Variants in DLG5 observed in about 807,000 individuals in gnomAD.
DLG5 encodes discs large MAGUK scaffold protein 5.
A neutral mutation model predicts 189.8 loss-of-function variants in DLG5; 48 were observed. The ratio of observed to expected loss-of-function variants is 0.25; its 90% CI spans 0.20 to 0.32. The LOEUF is 0.32. DLG5 is among the 10% of genes least tolerant of loss of function. The pLI is 1.00. For missense variants in DLG5, 2,160 were observed against 2,544.7 expected (o/e 0.85, Z 3.25); for synonymous variants, 1,016 against 1,054.1 (o/e 0.96, Z 0.70).
Position 77,898,747 on chromosome 10 carries a change from C to T in DLG5, c.304+27470G>A, listed in dbSNP as rs377201105. 7.9e-5 allele frequency among the ~76,000 whole-genome samples: 12 copies of T among 152,320 alleles called. No homozygotes were observed. In the East Asian group the frequency reaches 1.9e-3, roughly 25 times the overall value. On this transcript the variant is annotated intron_variant, in intron 1 of 31. Coordinates refer to ENST00000372391, the MANE Select transcript of DLG5 (RefSeq NM_004747.4). ...CCTCCATGGCCTGGCTCCTGACAGG[C>T]CTGTGCATGCCTGAGAGGGCCAGGC...
chr10:77,792,874 A>T (rs1232567860), intron 31 of DLG5: 2 of 327,882 alleles, frequency 6.1e-6, no homozygotes, highest in African/African-American at 2.1e-5. Context: ...ATTCTGCAGG[A>T]AACGACAAGT....
chr10:77,937,874 ATT>A, the DLG5 span, among the ~76,000 whole-genome samples: 5 of 104,120 alleles, frequency 4.8e-5, no homozygotes, highest in East Asian at 5.7e-4. Flanking sequence ...CACTCAGCTA[ATT>A]TTTTTTTTTT....
chr10:77,893,684 A>C (rs575022752), intron 1 of DLG5, among the ~76,000 whole-genome samples: 3 of 152,364 alleles, frequency 2.0e-5, no homozygotes, highest in East Asian at 1.9e-4. Flanking sequence ...GCAGAATGAC[A>C]TAAGTCCAAA....
Position 77,819,384 on chromosome 10 carries a change from C to T in DLG5, c.3608G>A (p.Arg1203Lys). Reference sequence around the variant, plus strand: ...AGGTGGAGAGCTGCAGGGGCCGACCCTGTGACTGCGCACAGTGTAGATGGG... The same window carrying T: ...AGGTGGAGAGCTGCAGGGGCCGACCTTGTGACTGCGCACAGTGTAGATGGG... ...RNPIYTVRSH[R>K]VGPCSSPPAA... is the part of the protein sequence containing the mutation. The change falls in exon 17 of 32, where the codon AGG becomes AAG. Residue 1203 changes from arginine (R) to lysine (K), a missense_variant. Transcript: ENST00000372391. 1 of 1,614,082 alleles carries T rather than the reference C, an allele frequency of 6.2e-7. No individual in the cohort carries two copies. The highest frequency in any genetic ancestry group is 8.5e-7 in the Non-Finnish European group (1 of 1,180,020).
chr10:77,894,293 T>C (rs1845695058), intron 1 of DLG5, among the ~76,000 whole-genome samples: 1 of 152,166 alleles, frequency 6.6e-6, no homozygotes, highest in Non-Finnish European at 1.5e-5. Context: ...TTAACCACTC[T>C]GTGCCTCTGT....
Position 77,868,977 on chromosome 10 carries a change from T to C in DLG5, c.373+152A>G, listed in dbSNP as rs73301381. On this transcript the variant is annotated intron_variant, in intron 2 of 31. Coordinates refer to ENST00000372391, the MANE Select transcript of DLG5 (RefSeq NM_004747.4). ...AACATCAGAACTGGGTTTCTGATGA[T>C]GGGAGAAAATGTAAATGAAATCAAC... is the stretch of plus-strand genomic sequence containing the variant. The C allele has an allele frequency of 1.2e-3, 777 of 665,032 alleles. 5 individuals carry two copies. The highest frequency in any genetic ancestry group is 8.4e-3 in the African/African-American group (454 of 54,252). 41.2% of individuals were successfully genotyped at this position (665,032 alleles called of 1,614,324 possible).
intron 5 of DLG5, among the ~76,000 whole-genome samples, chr10:77,850,204 C>T (rs1342970934): frequency 6.6e-6 from 1 of 152,208 alleles, no homozygotes; most frequent in African/African-American, 2.4e-5. Context: ...CATCAGCAGT[C>T]ACTTCCCAAA....
chr10:77,842,100 C>T lies in DLG5; in HGVS notation c.1218G>A (p.Glu406=). Residue 406 remains glutamate (E), a synonymous_variant, in exon 7 of 32, where the codon GAG becomes GAA. Transcript: ENST00000372391. ...EMELLQSELT[E]LRTTQVKTAK... ...CTGTCTTCACCTGCGTGGTTCTCAG[C>T]TCGGTCAGCTCTGACTGCAGCAGCT... The T allele has an allele frequency of 1.9e-6, 3 of 1,613,472 alleles. No homozygotes were observed. Among genetic ancestry groups the T allele is most frequent in the South Asian group, 2.2e-5 (2 of 91,092 alleles).
chr10:77,812,509 C>G, intron 20 of DLG5, 132 bp from the exon 21 acceptor site: 1 of 1,036,702 alleles, frequency 9.6e-7, no homozygotes, highest in Non-Finnish European at 1.4e-6. Context: ...CATTGTGACA[C>G]AGCTACATGG....
chr10:77,918,586 A>C (rs1386853639), intron 1 of DLG5, among the ~76,000 whole-genome samples: 1 of 152,202 alleles, frequency 6.6e-6, no homozygotes, highest in Non-Finnish European at 1.5e-5. Flanking sequence ...GGACGCTCCA[A>C]ACATCTCTAT....
chr10:77,816,694 C>A lies in DLG5; in HGVS notation c.3882G>T (p.Val1294=). 2 of 1,607,866 alleles carry A rather than the reference C, an allele frequency of 1.2e-6. No individual in the cohort carries two copies. Among genetic ancestry groups the A allele is most frequent in the Non-Finnish European group, 1.7e-6 (2 of 1,176,820 alleles). Residue 1294 remains valine (V), a synonymous_variant, in exon 20 of 32, where the codon GTG becomes GTT. Transcript: ENST00000372391. ...RSVVGSERGS[V]SHSECSTPPQ... is the part of the protein sequence containing the mutation. Reference sequence around the variant, plus strand: ...GAGGAGTGCTGCATTCAGAATGTGACACTGAACCTGCAGAGAGGAGCGGGT... The same window carrying A: ...GAGGAGTGCTGCATTCAGAATGTGAAACTGAACCTGCAGAGAGGAGCGGGT...
intron 1 of DLG5, among the ~76,000 whole-genome samples, chr10:77,877,770 G>A (rs1480701904): frequency 6.6e-6 from 1 of 152,162 alleles, no homozygotes; most frequent in Non-Finnish European, 1.5e-5. Flanking sequence ...GGGCCATCGT[G>A]CTATGCCCTG....
At chr10:77,877,008 G>A (rs571024322) in intron 1 of DLG5, among the ~76,000 whole-genome samples, 1 of 151,678 alleles carries the variant, frequency 6.6e-6, no homozygotes, top group East Asian at 1.9e-4. Context: ...GATTACAGGT[G>A]TGCGCCACCA....
intron 1 of DLG5, among the ~76,000 whole-genome samples, chr10:77,894,726 G>C (rs918678066): frequency 7.9e-5 from 12 of 151,796 alleles, no homozygotes; most frequent in African/African-American, 2.7e-4. Context: ...CTGATTCCCA[G>C]CGTACCCCTT....
intron 14 of DLG5, 134 bp from the exon 15 acceptor site, chr10:77,822,235 C>G (rs1842405716): frequency 1.1e-6 from 1 of 906,612 alleles, no homozygotes; most frequent in Admixed American, 2.8e-5. Context: ...GACAGATAGA[C>G]AGAGATGCAC....
At position 77,830,151 on chromosome 10, in the gene DLG5, T is replaced by A. The variant is rs1842830487; in HGVS notation, c.2009+66A>T. On this transcript the variant is annotated intron_variant, in intron 11 of 31. Transcript: ENST00000372391. ...TTCACCTAAGTGCTACCTGGCTCTC[T>A]TCGGGTCCTCTGCACTGGGAAGAAG... The A allele has an allele frequency of 2.5e-6, 4 of 1,601,920 alleles. No individual in the cohort carries two copies. The Admixed American group carries it at 6.8e-5, about 27-fold the overall frequency.
chr10:77,910,212 T>C (rs1317907244), intron 1 of DLG5, among the ~76,000 whole-genome samples: 2 of 152,098 alleles, frequency 1.3e-5, no homozygotes, highest in Non-Finnish European at 2.9e-5. Flanking sequence ...ACCACAGAAA[T>C]GGTCACAGGG....
In DLG5 at chr10:77,821,995, T is replaced by C. The variant is rs1842390782; in HGVS notation, c.2489A>G (p.His830Arg). The change falls in exon 15 of 32, where the codon CAT becomes CGT. Residue 830 changes from histidine (H) to arginine (R), a missense_variant. Coordinates refer to ENST00000372391, the MANE Select transcript of DLG5 (RefSeq NM_004747.4). ...FRAHGPEVQAHNKRNLIQHNN... is the reference protein window; with the variant it reads ...FRAHGPEVQARNKRNLIQHNN... Reference sequence around the variant, plus strand: ...GTGCTGTATCAAGTTCCGTTTGTTATGAGCCTGGACCTCCGGGCCATGGGC... The same window carrying C: ...GTGCTGTATCAAGTTCCGTTTGTTACGAGCCTGGACCTCCGGGCCATGGGC... 1 of 1,614,240 alleles carries C rather than the reference T, an allele frequency of 6.2e-7. No individual in the cohort carries two copies. Among genetic ancestry groups the C allele is most frequent in the African/African-American group, 1.3e-5 (1 of 75,060 alleles).
chr10:77,928,328 G>A (rs1564603324), upstream of DLG5: 1 of 152,078 alleles, frequency 6.6e-6, no homozygotes, highest in Non-Finnish European at 1.5e-5. Context: ...TCTGGAATGG[G>A]GTCCATAGAG....
Sources: gnomAD v4.1 joint callset for allele counts (sites outside exome capture counted in the v4.1 genomes callset) on GRCh38, gnomAD v4.1.1 for gene constraint, MANE v1.5 for transcripts, NCBI Gene and HGNC (gene_info 2026-07-23, HGNC 2026-07-21) for gene names.